Variants in HMCN1 observed in about 807,000 individuals in gnomAD.
HMCN1 encodes the protein hemicentin 1.
Under a neutral mutation model 625.9 loss-of-function variants are expected in HMCN1, and 321 were observed. The ratio of observed to expected loss-of-function variants is 0.51; its 90% CI spans 0.47 to 0.56. HMCN1 has a LOEUF of 0.56. Ranked by LOEUF, HMCN1 falls within the 20% of genes least tolerant of loss-of-function variation. HMCN1 has a pLI of 0.00. For synonymous variants in HMCN1, 2,425 were observed against 2,417.6 expected, an observed-to-expected ratio of 1.00 and a Z score of -0.09; for missense variants, 6,588 against 6,887.3, an observed-to-expected ratio of 0.96 and a Z score of 1.54.
intron 70 of HMCN1, among the ~76,000 whole-genome samples, chr1:186,107,239 C>G (rs1660652078): frequency 6.6e-6 from 1 of 152,124 alleles, no homozygotes; most frequent in African/African-American, 2.4e-5. Flanking sequence ...GTGCCTGCCA[C>G]CACGCCCGGC....
chr1:186,087,438 C>G lies in HMCN1; in HGVS notation c.9161-5C>G, dbSNP rs566463343. ...GAAAATCCTTCTGTTATTTTCTTCCCTCAGTGCCCCCAAGCATTAAAGACC... is the reference window on the plus strand; with the variant it reads ...GAAAATCCTTCTGTTATTTTCTTCCGTCAGTGCCCCCAAGCATTAAAGACC... On this transcript the variant is annotated splice_region_variant and splice_polypyrimidine_tract_variant and intron_variant, in intron 59 of 106. Coordinates refer to ENST00000271588, the MANE Select transcript of HMCN1 (RefSeq NM_031935.3). 3.7e-6 allele frequency: 6 copies of G among 1,612,770 alleles called. No individual in the cohort carries two copies. In the South Asian group the frequency reaches 5.5e-5, roughly 15 times the overall value.
chr1:186,111,551 T>C (rs1469206136), intron 71 of HMCN1, among the ~76,000 whole-genome samples: 1 of 152,010 alleles, frequency 6.6e-6, no homozygotes, highest in East Asian at 1.9e-4. Flanking sequence ...GAGACTGATG[T>C]GGGAGGATTG....
chr1:186,031,750 A>G (rs1407664983), intron 36 of HMCN1, among the ~76,000 whole-genome samples: 2 of 151,380 alleles, frequency 1.3e-5, no homozygotes, highest in African/African-American at 2.4e-5. Context: ...AAATTTGTTG[A>G]TTTGTTTCTT....
chr1:185,885,814 C>T (rs908368270), intron 4 of HMCN1, among the ~76,000 whole-genome samples: 4 of 152,026 alleles, frequency 2.6e-5, no homozygotes, highest in African/African-American at 7.2e-5. Context: ...CAATTCATAA[C>T]ACTTCCAAGG....
chr1:186,022,909 G>T lies in HMCN1; in HGVS notation c.5626-121G>T, dbSNP rs1354603902. ...CTCTAGTCTATCAAGGGTTTATTAA[G>T]ATATTGGCATGAAAATATTGTTAGA... On this transcript the variant is annotated intron_variant, in intron 35 of 106. Coordinates refer to ENST00000271588, the MANE Select transcript of HMCN1 (RefSeq NM_031935.3). The T allele has an allele frequency of 3.0e-6, 3 of 984,130 alleles. No individual in the cohort carries two copies. In the Admixed American group the frequency reaches 5.4e-5, roughly 18 times the overall value. The allele number at this position is 984,130 out of a possible 1,614,324, so 61.0% of individuals were successfully genotyped here.
intron 1 of HMCN1, among the ~76,000 whole-genome samples, chr1:185,749,422 G>T (rs183374851): frequency 2.0e-5 from 3 of 152,236 alleles, no homozygotes; most frequent in African/African-American, 7.2e-5. Flanking sequence ...ATACAGAAGT[G>T]GAACAAGGAG....
At chr1:185,984,971 A>G (rs1651912106) in intron 19 of HMCN1, among the ~76,000 whole-genome samples, 1 of 152,204 alleles carries the variant, frequency 6.6e-6, no homozygotes, top group Admixed American at 6.5e-5. Context: ...TTGCATTAAA[A>G]ATAGCTTTGT....
Position 185,870,104 on chromosome 1 carries a change from C to T in HMCN1, c.621+4241C>T, listed in dbSNP as rs142481717. On this transcript the variant is annotated intron_variant, in intron 4 of 106. Coordinates refer to ENST00000271588, the MANE Select transcript of HMCN1 (RefSeq NM_031935.3). Reference sequence around the variant, plus strand: ...TCTTTATTTAACATAAAAGGGAAACCAAAGTGAAGAAATTATTTGGCCAAG... The same window carrying T: ...TCTTTATTTAACATAAAAGGGAAACTAAAGTGAAGAAATTATTTGGCCAAG... Among the ~76,000 whole-genome samples, 1,016 of 150,120 alleles carry T rather than the reference C, an allele frequency of 6.8e-3. 11 individuals are homozygous for T. The highest frequency in any genetic ancestry group is 0.024 in the African/African-American group (971 of 40,802).
chr1:186,106,157 T>C (rs186641012), intron 69 of HMCN1, among the ~76,000 whole-genome samples: 3 of 152,224 alleles, frequency 2.0e-5, no homozygotes, highest in Admixed American at 6.5e-5. Flanking sequence ...GAGAACAGGA[T>C]TTTTCTGTTT....
At chr1:185,924,215 CTTTTTTTTTTTTTTTTTT>C (rs58164381) in intron 8 of HMCN1, among the ~76,000 whole-genome samples, 5 of 43,652 alleles carry the variant, frequency 1.1e-4, no homozygotes, top group Admixed American at 8.0e-4. Context: ...CTGACCCAAT[CTTTTTTTTTTTTTTTTTT>C]TTTTTTTTTT....
intron 29 of HMCN1, among the ~76,000 whole-genome samples, chr1:186,004,517 G>T (rs576006165): frequency 2.2e-4 from 33 of 151,972 alleles, no homozygotes; most frequent in Admixed American, 1.1e-3. Context: ...ATATGAACAG[G>T]CAGTTAAAAT....
chr1:185,878,826 C>G (rs1477963105), intron 4 of HMCN1, among the ~76,000 whole-genome samples: 2 of 152,082 alleles, frequency 1.3e-5, no homozygotes, highest in Non-Finnish European at 1.5e-5. Context: ...TACTGCTTTC[C>G]TTTTTACTCT....
chr1:186,066,940 C>G (rs548871281), intron 49 of HMCN1, among the ~76,000 whole-genome samples: 2 of 152,048 alleles, frequency 1.3e-5, no homozygotes, highest in Non-Finnish European at 2.9e-5. Context: ...TACCTGTAAC[C>G]CAGATCTTTC....
At chr1:186,164,240 C>CTTTTTTTTTTTTTTTT (rs57317105) in intron 97 of HMCN1, among the ~76,000 whole-genome samples, 1 of 131,558 alleles carries the variant, frequency 7.6e-6, no homozygotes, top group Non-Finnish European at 1.6e-5. Flanking sequence ...TAACTTAAAT[C>CTTTTTTTTTTTTTTTT]TTTTTTTTTT....
intron 51 of HMCN1, among the ~76,000 whole-genome samples, chr1:186,070,245 G>C (rs1658397923): frequency 6.6e-6 from 1 of 152,192 alleles, no homozygotes; most frequent in Non-Finnish European, 1.5e-5. Context: ...TGTTTGTAAA[G>C]GAAGAGTATC....
At chr1:185,943,991 G>A (rs1668210166) in intron 11 of HMCN1, among the ~76,000 whole-genome samples, 1 of 152,020 alleles carries the variant, frequency 6.6e-6, no homozygotes, top group Non-Finnish European at 1.5e-5. Context: ...TCACATTATT[G>A]CCCCAAGGAA....
Position 185,973,472 on chromosome 1 carries a change from G to T in HMCN1, c.2371+2979G>T, listed in dbSNP as rs116612371. On this transcript the variant is annotated intron_variant, in intron 15 of 106. Transcript: ENST00000271588. ...TTCATTTGAGTTCCAAAACTATTGG[G>T]CATAAATTTAAGTAGCTTATGACTT... 2.9e-3 allele frequency among the ~76,000 whole-genome samples: 441 copies of T among 151,892 alleles called. 4 individuals are homozygous for T. The highest frequency in any genetic ancestry group is 0.01 in the African/African-American group (427 of 41,402).
At chr1:186,054,053 T>C in intron 44 of HMCN1, 67 bp downstream of exon 44, 3 of 1,453,086 alleles carry the variant, frequency 2.1e-6, no homozygotes, top group Non-Finnish European at 2.9e-6. Context: ...TCTCATTTAC[T>C]TTTAAAAATA....
chr1:185,871,432 A>G (rs1464394291), intron 4 of HMCN1, among the ~76,000 whole-genome samples: 3 of 152,178 alleles, frequency 2.0e-5, no homozygotes, highest in African/African-American at 7.2e-5. Context: ...CTTATCTGTA[A>G]AATGGAGAAA....
Sources: allele counts gnomAD v4.1 joint callset (sites outside exome capture counted in the v4.1 genomes callset), GRCh38; gene constraint gnomAD v4.1.1; transcripts MANE v1.5; gene names NCBI Gene and HGNC (gene_info 2026-07-23, HGNC 2026-07-21).